The following GXYLT2 variants were observed in gnomAD, a reference collection of about 807,000 sequenced individuals.
The protein encoded by GXYLT2 is glycosyltransferase 8 domain containing 4.
GXYLT2 carries 53 observed loss-of-function variants against 45.8 expected under a neutral mutation model. The ratio of observed to expected loss-of-function variants is 1.16; its 90% CI spans 0.93 to 1.46. GXYLT2 has a LOEUF of 1.46. Ranked by LOEUF, GXYLT2 falls within the 40% of genes most tolerant of loss-of-function variation. The pLI is 0.00. For missense variants in GXYLT2, 551 were observed against 544.4 expected (o/e 1.01, Z -0.12); for synonymous variants, 219 against 214.2 (o/e 1.02, Z -0.19).
chr3:72,911,993 G>GTATATATA (rs1288910128), intron 2 of GXYLT2, among the ~76,000 whole-genome samples: 5 of 122,936 alleles, frequency 4.1e-5, no homozygotes, highest in Non-Finnish European at 4.7e-5. Flanking sequence ...GTGTGTGTGT[G>GTATATATA]TATATATATA....
At chr3:72,925,183 G>A (rs1381693486) in intron 3 of GXYLT2, among the ~76,000 whole-genome samples, 5 of 146,882 alleles carry the variant, frequency 3.4e-5, no homozygotes, top group African/African-American at 5.3e-5. Flanking sequence ...TTGAGACAGA[G>A]TCTCACTCTG....
At chr3:72,952,375 A>G (rs540490801) in intron 3 of GXYLT2, among the ~76,000 whole-genome samples, 6 of 152,270 alleles carry the variant, frequency 3.9e-5, no homozygotes, top group African/African-American at 1.4e-4. Context: ...TTGGTTTGCA[A>G]CATCCATTTC....
At position 72,941,189 on chromosome 3, in the gene GXYLT2, A is replaced by G. The variant is rs138009946; in HGVS notation, c.601-13909A>G. Among the ~76,000 whole-genome samples the G allele has an allele frequency of 1.2e-4, 18 of 152,316 alleles. No homozygotes were observed. In the East Asian group the frequency reaches 3.5e-3, roughly 29 times the overall value. On this transcript the variant is annotated intron_variant, in intron 3 of 6. Transcript: ENST00000389617. The stretch of plus-strand genomic sequence containing the variant: ...AAGACAAAAAATAAAGGTGGCAATG[A>G]TAATAGAGAAAAGGGTTATTATATT...
In GXYLT2 at chr3:72,957,208, T is replaced by A. The variant is rs146996649; in HGVS notation, c.853-21T>A. 75 of 1,601,666 alleles carry A rather than the reference T, an allele frequency of 4.7e-5. 1 individual carries two copies. The East Asian group carries it at 1.7e-3, about 36-fold the overall frequency. On this transcript the variant is annotated intron_variant, in intron 4 of 6. Transcript: ENST00000389617. ...TGTATTTGCTTTGCTTCAGCTGTTC[T>A]GATGGTTTTCTTTTTTCCAGAACAG...
intron 2 of GXYLT2, among the ~76,000 whole-genome samples, chr3:72,915,708 C>T (rs1450744439): frequency 1.3e-5 from 2 of 151,994 alleles, no homozygotes; most frequent in African/African-American, 2.4e-5. Flanking sequence ...TTGTGGCATG[C>T]GCCTGTAATC....
intron 3 of GXYLT2, among the ~76,000 whole-genome samples, chr3:72,934,657 T>G (rs1710143609): frequency 6.6e-6 from 1 of 152,228 alleles, no homozygotes; most frequent in South Asian, 2.1e-4. Context: ...TCATACTGTT[T>G]AACTTGGAAT....
intron 2 of GXYLT2, among the ~76,000 whole-genome samples, chr3:72,917,468 A>G (rs1461313712): frequency 2.0e-5 from 3 of 152,168 alleles, no homozygotes; most frequent in African/African-American, 7.2e-5. Flanking sequence ...TACCCTTCAT[A>G]TATCAAATGT....
chr3:72,959,442 A>C (rs1180939385), intron 5 of GXYLT2, among the ~76,000 whole-genome samples: 1 of 149,828 alleles, frequency 6.7e-6, no homozygotes, highest in Admixed American at 6.7e-5. Flanking sequence ...TTTTATAGAG[A>C]TTGGGGGGCA....
chr3:72,964,243 T>A (rs1275671366), intron 5 of GXYLT2, among the ~76,000 whole-genome samples: 4 of 152,156 alleles, frequency 2.6e-5, no homozygotes, highest in Non-Finnish European at 5.9e-5. Flanking sequence ...CCTTTCTGTT[T>A]GTTTTCTGCC....
intron 1 of GXYLT2, among the ~76,000 whole-genome samples, chr3:72,895,622 A>T (rs73838408): frequency 2.0e-5 from 3 of 152,216 alleles, no homozygotes; most frequent in Non-Finnish European, 2.9e-5. Context: ...TTTATGTTGT[A>T]TGTATTTTAG....
chr3:72,898,798 C>G (rs1709343621), intron 1 of GXYLT2, among the ~76,000 whole-genome samples: 1 of 151,764 alleles, frequency 6.6e-6, no homozygotes, highest in Admixed American at 6.6e-5. Context: ...ATGGTGCGAT[C>G]TCAGCTCACT....
chr3:72,894,821 TGTG>T (rs1310558452), intron 1 of GXYLT2, among the ~76,000 whole-genome samples: 2 of 152,176 alleles, frequency 1.3e-5, no homozygotes, highest in Non-Finnish European at 2.9e-5. Context: ...TGCAAACAAT[TGTG>T]GTTCTTCTGC....
intron 3 of GXYLT2, among the ~76,000 whole-genome samples, chr3:72,933,872 C>G (rs1365246320): frequency 6.6e-6 from 1 of 151,774 alleles, no homozygotes; most frequent in East Asian, 1.9e-4. Context: ...CCACTGCACT[C>G]CAACTCGGGC....
chr3:72,946,488 C>T (rs1710409004), intron 3 of GXYLT2, among the ~76,000 whole-genome samples: 1 of 151,970 alleles, frequency 6.6e-6, no homozygotes, highest in Non-Finnish European at 1.5e-5. Flanking sequence ...ATTTACTTCT[C>T]GGTTCCAGAG....
intron 2 of GXYLT2, among the ~76,000 whole-genome samples, chr3:72,912,013 A>ATATATTTTTT (rs1156864738): frequency 3.5e-5 from 4 of 114,922 alleles, no homozygotes; most frequent in African/African-American, 1.6e-4. Flanking sequence ...ATATATATAT[A>ATATATTTTTT]TTTTTTTTTT....
chr3:72,923,081 C>T (rs943418810), intron 3 of GXYLT2, among the ~76,000 whole-genome samples: 1 of 152,056 alleles, frequency 6.6e-6, no homozygotes, highest in African/African-American at 2.4e-5. Context: ...ATGGTGAAAC[C>T]CTGTCTCTAC....
chr3:72,967,582 C>G lies in GXYLT2; in HGVS notation c.1012C>G (p.Arg338Gly). The change falls in exon 6 of 7, where the codon CGT becomes GGT. Residue 338 changes from arginine to glycine, a missense_variant. Arg to Gly is a moderately radical substitution (Grantham distance 125, BLOSUM62 -2). Coordinates refer to ENST00000389617, the MANE Select transcript of GXYLT2 (RefSeq NM_001080393.2). ...LYVFPCQWNYRPDHCMYGSNC... is the reference protein window; with the variant it reads ...LYVFPCQWNYGPDHCMYGSNC... ...TGTATTCCCCTGCCAGTGGAACTAC[C>G]GTCCCGATCACTGCATGTACGGAAG... 6.2e-7 allele frequency: 1 copy of G among 1,613,672 alleles called. No homozygotes were observed.
At chr3:72,896,779 G>A (rs1306848496) in intron 1 of GXYLT2, among the ~76,000 whole-genome samples, 1 of 152,030 alleles carries the variant, frequency 6.6e-6, no homozygotes. Flanking sequence ...GAACCCGGGA[G>A]GCAGAGGTTG....
chr3:72,911,227 T>G (rs183784990), intron 2 of GXYLT2, among the ~76,000 whole-genome samples: 12 of 151,672 alleles, frequency 7.9e-5, no homozygotes, highest in Admixed American at 7.9e-4. Flanking sequence ...GGAGGCGGAG[T>G]TGCAGTGAGC....
Sources: gnomAD v4.1 joint callset for allele counts (sites outside exome capture counted in the v4.1 genomes callset) on GRCh38, gnomAD v4.1.1 for gene constraint, MANE v1.5 for transcripts, NCBI Gene and HGNC (gene_info 2026-07-23, HGNC 2026-07-21) for gene names.